FAM204A: variants seen among roughly 807,000 people sequenced by gnomAD.
FAM204A encodes the protein family with sequence similarity 204 member A.
Under a neutral mutation model 35.4 loss-of-function variants are expected in FAM204A, and 16 were observed. The ratio of observed to expected loss-of-function variants is 0.45; its 90% CI spans 0.31 to 0.69. The LOEUF is 0.69. Ranked by LOEUF, FAM204A falls within the 30% of genes least tolerant of loss-of-function variation. The pLI is 0.07. For synonymous variants in FAM204A, 76 were observed against 86.9 expected (o/e 0.88, Z 0.70); for missense variants, 240 against 265.7 (o/e 0.90, Z 0.67).
At chr10:118,325,027 A>G (rs1303550452) in intron 7 of FAM204A, among the ~76,000 whole-genome samples, 1 of 152,124 alleles carries the variant, frequency 6.6e-6, no homozygotes, top group African/African-American at 2.4e-5. Flanking sequence ...ATACACACAC[A>G]TTAAACACAG....
rs1217813908 is a variant in FAM204A, at chr10:118,299,822, G to T, written c.*11035C>A. On this transcript the variant is annotated 3_prime_UTR_variant, in exon 9 of 9. Transcript: ENST00000369183. ...ACAAGTGGAATCTTCAGAATTACAA[G>T]CATGATCAATAAGACTGCATGAACC... 1 of 152,210 alleles carries T rather than the reference G, an allele frequency of 6.6e-6. No homozygotes were observed. Among genetic ancestry groups the T allele is most frequent in the East Asian group, 1.9e-4 (1 of 5,198 alleles). 9.4% of individuals were successfully genotyped at this position (152,210 alleles called of 1,614,324 possible). A position where few individuals can be genotyped will look rare whatever the true frequency, so the allele number is the denominator to read the frequency against.
At chr10:118,341,524 T>C (rs1319723041) in intron 2 of FAM204A, among the ~76,000 whole-genome samples, 1 of 152,216 alleles carries the variant, frequency 6.6e-6, no homozygotes, top group African/African-American at 2.4e-5. Context: ...GACAACTGAA[T>C]TACAGGCCTG....
intron 7 of FAM204A, among the ~76,000 whole-genome samples, chr10:118,322,725 G>A (rs1317265974): frequency 6.6e-6 from 1 of 152,130 alleles, no homozygotes; most frequent in African/African-American, 2.4e-5. Context: ...TCTGGTATCT[G>A]AGGGAAAGGT....
At chr10:118,335,844 T>C (rs1384360460) in intron 3 of FAM204A, among the ~76,000 whole-genome samples, 1 of 152,200 alleles carries the variant, frequency 6.6e-6, no homozygotes, top group Non-Finnish European at 1.5e-5. Flanking sequence ...ATAAGTCATT[T>C]GATAATTTGA....
At chr10:118,330,119 A>C (rs1489921412) in intron 6 of FAM204A, among the ~76,000 whole-genome samples, 1 of 152,230 alleles carries the variant, frequency 6.6e-6, no homozygotes, top group African/African-American at 2.4e-5. Context: ...TTCTTTAAAA[A>C]ATGTAAATAC....
In FAM204A at chr10:118,338,867, CTGT is replaced by C. The variant is rs1318645566; in HGVS notation, c.-8-2447_-8-2445del. ...TGCCCCGAAGAAGGCATGCTTTTTG[CTGT>C]TGTTGTTGCTAATCAGCCTTCAAGT... On this transcript the variant is annotated intron_variant, in intron 2 of 8. Coordinates refer to ENST00000369183, the MANE Select transcript of FAM204A (RefSeq NM_022063.3). Among the ~76,000 whole-genome samples, 5 of 152,278 alleles carry C rather than the reference CTGT, an allele frequency of 3.3e-5. No individual in the cohort carries two copies. In the East Asian group the frequency reaches 7.7e-4, roughly 24 times the overall value.
intron 7 of FAM204A, among the ~76,000 whole-genome samples, chr10:118,320,124 C>T (rs1846088751): frequency 6.6e-6 from 1 of 151,806 alleles, no homozygotes; most frequent in African/African-American, 2.4e-5. Context: ...ATGAAGATGC[C>T]TAGAGAGAAA....
intron 7 of FAM204A, chr10:118,311,562 C>A: frequency 2.8e-6 from 1 of 362,756 alleles, no homozygotes; most frequent in Non-Finnish European, 4.9e-6. Context: ...AACTGAGGCC[C>A]CTCGAGGGTC....
At position 118,329,678 on chromosome 10, in the gene FAM204A, C is replaced by T. The variant is rs569231070; in HGVS notation, c.454-3435G>A. ...CACACTACAGTGAGTTGTGTATTCTCCCCTCTTGAGTCCTATACTCAGTGA... is the reference window on the plus strand; with the variant it reads ...CACACTACAGTGAGTTGTGTATTCTTCCCTCTTGAGTCCTATACTCAGTGA... On this transcript the variant is annotated intron_variant, in intron 6 of 8. Coordinates refer to ENST00000369183, the MANE Select transcript of FAM204A (RefSeq NM_022063.3). Among the ~76,000 whole-genome samples, 3 of 152,236 alleles carry T rather than the reference C, an allele frequency of 2.0e-5. No individual in the cohort carries two copies. The South Asian group carries it at 6.2e-4, about 32-fold the overall frequency.
intron 6 of FAM204A, among the ~76,000 whole-genome samples, chr10:118,330,285 G>A (rs1333431567): frequency 6.6e-6 from 1 of 152,084 alleles, no homozygotes; most frequent in Non-Finnish European, 1.5e-5. Context: ...CCTCAACTCA[G>A]AACTTATCCA....
chr10:118,312,674 G>C (rs762630430), intron 7 of FAM204A, among the ~76,000 whole-genome samples: 6 of 152,194 alleles, frequency 3.9e-5, no homozygotes, highest in Non-Finnish European at 8.8e-5. Flanking sequence ...ACATCAACAG[G>C]AAAGGCGCCG....
At chr10:118,329,683 C>G (rs1340796949) in intron 6 of FAM204A, among the ~76,000 whole-genome samples, 1 of 152,172 alleles carries the variant, frequency 6.6e-6, no homozygotes, top group African/African-American at 2.4e-5. Context: ...ATTCTCCCCT[C>G]TTGAGTCCTA....
Position 118,325,667 on chromosome 10 carries a change from A to G in FAM204A, c.543+487T>C, listed in dbSNP as rs377220046. ...TGTACTTGGCAAAAGAATACCCAAT[A>G]TATCTATTAGTTTTATACTATAGAA... On this transcript the variant is annotated intron_variant, in intron 7 of 8. Coordinates refer to ENST00000369183, the MANE Select transcript of FAM204A (RefSeq NM_022063.3). Among the ~76,000 whole-genome samples, 12 of 152,220 alleles carry G rather than the reference A, an allele frequency of 7.9e-5. No individual in the cohort carries two copies. The East Asian group carries it at 1.7e-3, about 22-fold the overall frequency.
At position 118,303,982 on chromosome 10, in the gene FAM204A, C is replaced by T. The variant is rs1036531133; in HGVS notation, c.*6875G>A. 1.3e-5 allele frequency: 2 copies of T among 152,320 alleles called. No individual in the cohort carries two copies. The highest frequency in any genetic ancestry group is 6.5e-5 in the Admixed American group (1 of 15,304). The allele number at this position is 152,320 out of a possible 1,614,324, so 9.4% of individuals were successfully genotyped here. A position where few individuals can be genotyped will look rare whatever the true frequency, so the allele number is the denominator to read the frequency against. ...AAGTGCATACTTTTACAAATCACCT[C>T]CACAAGAGATCTGAGGCACTGTTTC... On this transcript the variant is annotated 3_prime_UTR_variant, in exon 9 of 9. Coordinates refer to ENST00000369183, the MANE Select transcript of FAM204A (RefSeq NM_022063.3).
At chr10:118,319,176 T>A (rs1846075169) in intron 7 of FAM204A, among the ~76,000 whole-genome samples, 1 of 151,964 alleles carries the variant, frequency 6.6e-6, no homozygotes, top group Admixed American at 6.6e-5. Flanking sequence ...GAAAAATCTG[T>A]CTCCTCAAAT....
intron 2 of FAM204A, among the ~76,000 whole-genome samples, chr10:118,341,383 A>G (rs1846479967): frequency 6.6e-6 from 1 of 152,222 alleles, no homozygotes; most frequent in Non-Finnish European, 1.5e-5. Flanking sequence ...ATTGTAATTT[A>G]CATCATAATC....
At chr10:118,337,603 T>C (rs533028351) in intron 2 of FAM204A, among the ~76,000 whole-genome samples, 1 of 152,150 alleles carries the variant, frequency 6.6e-6, no homozygotes, top group African/African-American at 2.4e-5. Context: ...TCACCAAATA[T>C]TCTGTTGGCT....
chr10:118,342,043 C>CT (rs1846493244), intron 1 of FAM204A, 116 bp from the exon 2 acceptor site: 1 of 152,348 alleles, frequency 6.6e-6, no homozygotes, highest in Non-Finnish European at 1.5e-5. Context: ...ACATAACAGG[C>CT]TGGGGAGGCC....
At chr10:118,330,443 A>G (rs1846271931) in intron 6 of FAM204A, among the ~76,000 whole-genome samples, 1 of 152,202 alleles carries the variant, frequency 6.6e-6, no homozygotes, top group Admixed American at 6.5e-5. Flanking sequence ...CAGTGGAAAG[A>G]GCACAGGACT....
Sources: gnomAD v4.1 joint callset for allele counts (sites outside exome capture counted in the v4.1 genomes callset) on GRCh38, gnomAD v4.1.1 for gene constraint, MANE v1.5 for transcripts, NCBI Gene and HGNC (gene_info 2026-07-23, HGNC 2026-07-21) for gene names.